Variants in ATOX1 observed in about 807,000 individuals in gnomAD.
The protein encoded by ATOX1 is copper transport protein ATOX1.
ATOX1 carries 4 observed loss-of-function variants against 7.3 expected under a neutral mutation model. The ratio of observed to expected loss-of-function variants is 0.55; its 90% confidence interval spans 0.27 to 1.25. ATOX1 has a LOEUF of 1.25. ATOX1 is among the 50% of genes most tolerant of loss of function. ATOX1 has a pLI of 0.12. For synonymous variants in ATOX1, 25 were observed against 28.7 expected, an observed-to-expected ratio of 0.87 and a Z score of 0.41; for missense variants, 68 against 81.6, an observed-to-expected ratio of 0.83 and a Z score of 0.64.
At chr5:151,757,862 G>C (rs1211610508) in intron 1 of ATOX1, among the ~76,000 whole-genome samples, 2 of 152,088 alleles carry the variant, frequency 1.3e-5, no homozygotes, top group African/African-American at 4.8e-5. Context: ...TATAAAAAAC[G>C]AGGCCACGAG....
At chr5:151,753,612 G>C (rs1445654272) in intron 1 of ATOX1, among the ~76,000 whole-genome samples, 1 of 152,148 alleles carries the variant, frequency 6.6e-6, no homozygotes, top group Non-Finnish European at 1.5e-5. Flanking sequence ...CTCCAGAAGG[G>C]CTCCAGTTCC....
intron 2 of ATOX1, among the ~76,000 whole-genome samples, chr5:151,748,185 G>A (rs1296671435): frequency 1.3e-5 from 2 of 152,182 alleles, no homozygotes; most frequent in Non-Finnish European, 2.9e-5. Flanking sequence ...AGCAGCACAT[G>A]GGAGGACCCA....
At chr5:151,752,651 T>C (rs1410884592) in intron 1 of ATOX1, among the ~76,000 whole-genome samples, 1 of 152,220 alleles carries the variant, frequency 6.6e-6, no homozygotes, top group Non-Finnish European at 1.5e-5. Context: ...ACACAAGGAT[T>C]ACTTATACCA....
chr5:151,743,464 C>T (rs1761844993), intron 3 of ATOX1: 1 of 152,214 alleles, frequency 6.6e-6, no homozygotes, highest in Non-Finnish European at 1.5e-5. Context: ...GACATGCTGC[C>T]TGAGCATGTG....
chr5:151,749,487 GAA>G (rs1271889730), intron 2 of ATOX1, among the ~76,000 whole-genome samples: 1 of 123,818 alleles, frequency 8.1e-6, no homozygotes, highest in Admixed American at 8.3e-5. Flanking sequence ...TTCTGCCTCA[GAA>G]AAAAAAAAAA....
At chr5:151,757,818 T>C (rs1445848916) in intron 1 of ATOX1, among the ~76,000 whole-genome samples, 2 of 152,256 alleles carry the variant, frequency 1.3e-5, no homozygotes, top group Non-Finnish European at 2.9e-5. Context: ...CTGGGCTTTT[T>C]ATATTTTTAT....
At chr5:151,752,647 G>A (rs1761966840) in intron 1 of ATOX1, among the ~76,000 whole-genome samples, 1 of 150,212 alleles carries the variant, frequency 6.7e-6, no homozygotes, top group Admixed American at 6.6e-5. Flanking sequence ...TTTCACACAA[G>A]GATTACTTAT....
chr5:151,756,654 T>C (rs1762021364), intron 1 of ATOX1, among the ~76,000 whole-genome samples: 1 of 152,072 alleles, frequency 6.6e-6, no homozygotes, highest in African/African-American at 2.4e-5. Flanking sequence ...TTGTATTTTT[T>C]GTAGAGCCAG....
intron 2 of ATOX1, 117 bp downstream of exon 2, chr5:151,751,587 G>C: frequency 9.9e-7 from 1 of 1,014,222 alleles, no homozygotes; most frequent in South Asian, 1.6e-5. Context: ...CACGTGCTAA[G>C]TACTCAATAT....
chr5:151,750,644 C>CTTTTTTT (rs34586233), intron 2 of ATOX1, among the ~76,000 whole-genome samples: 4 of 100,350 alleles, frequency 4.0e-5, no homozygotes, highest in Non-Finnish European at 6.0e-5. Flanking sequence ...TTTTTTCTTT[C>CTTTTTTT]TTTTTTTTTT....
intron 1 of ATOX1, among the ~76,000 whole-genome samples, chr5:151,753,586 A>C (rs887304225): frequency 2.6e-5 from 4 of 152,212 alleles, no homozygotes; most frequent in African/African-American, 9.6e-5. Flanking sequence ...CTAGAAAACC[A>C]CAGGCAAAAT....
intron 1 of ATOX1, among the ~76,000 whole-genome samples, chr5:151,756,587 T>C (rs2915883): frequency 0.47 from 70,650 of 151,486 alleles, 17,203 homozygotes; most frequent in African/African-American, 0.62. Flanking sequence ...ATCCTCCCAC[T>C]TCAGCCTCCC....
intron 2 of ATOX1, among the ~76,000 whole-genome samples, chr5:151,748,554 C>T (rs1340225995): frequency 6.6e-6 from 1 of 152,062 alleles, no homozygotes; most frequent in Non-Finnish European, 1.5e-5. Context: ...GATCTTCCAG[C>T]AAGGGGCCTT....
intron 2 of ATOX1, 53 bp from the exon 3 acceptor site, chr5:151,746,502 T>TA: frequency 1.2e-6 from 2 of 1,607,576 alleles, no homozygotes; most frequent in Non-Finnish European, 1.7e-6. Context: ...CCCTCCCAGT[T>TA]ACAGCAAGAA....
chr5:151,745,226 T>C (rs560386224), intron 3 of ATOX1: 1 of 152,288 alleles, frequency 6.6e-6, no homozygotes, highest in East Asian at 1.9e-4. Flanking sequence ...GGCTAGCCTC[T>C]GTCCAGGGGG....
intron 3 of ATOX1, chr5:151,744,902 A>G (rs917872595): frequency 6.6e-6 from 1 of 152,212 alleles, no homozygotes; most frequent in African/African-American, 2.4e-5. Context: ...CAAGGCAGGA[A>G]AGCAGGTTGG....
chr5:151,751,646 ACATCTGCATG>A, intron 2 of ATOX1, 48 bp downstream of exon 2: 1 of 1,537,660 alleles, frequency 6.5e-7, no homozygotes, highest in Non-Finnish European at 8.8e-7. Context: ...CTCTCCTGCA[ACATCTGCATG>A]CATCTGAACA....
intron 1 of ATOX1, among the ~76,000 whole-genome samples, chr5:151,756,872 T>C (rs181564421): frequency 9.2e-5 from 14 of 152,350 alleles, no homozygotes; most frequent in Admixed American, 8.5e-4. Flanking sequence ...CATATTTTAC[T>C]GGCATTTTTC....
Position 151,753,935 on chromosome 5 carries a change from T to G in ATOX1, c.7-2156A>C, listed in dbSNP as rs1181092586. On this transcript the variant is annotated intron_variant, in intron 1 of 3. Coordinates refer to ENST00000313115, the MANE Select transcript of ATOX1 (RefSeq NM_004045.4). ...AGACCAAGAATTAAGCAGCTCGATT[T>G]TCCAGTGCAGACTGTTTGACCTTTG... 3 of 152,324 alleles carry G rather than the reference T, an allele frequency of 2.0e-5. No individual in the cohort carries two copies. In the East Asian group the frequency reaches 5.8e-4, roughly 29 times the overall value. The allele number at this position is 152,324 out of a possible 1,614,324, so 9.4% of individuals were successfully genotyped here.
Sources: gnomAD v4.1 joint callset for allele counts (sites outside exome capture counted in the v4.1 genomes callset) on GRCh38, gnomAD v4.1.1 for gene constraint, MANE v1.5 for transcripts, NCBI Gene and HGNC (gene_info 2026-07-23, HGNC 2026-07-21) for gene names.